TMEM154: variants seen among roughly 807,000 people sequenced by gnomAD.
The protein encoded by TMEM154 is transmembrane protein 154.
TMEM154 carries 27 observed loss-of-function variants against 24.5 expected under a neutral mutation model. The ratio of observed to expected loss-of-function variants is 1.10; its 90% confidence interval spans 0.81 to 1.52. TMEM154 has a LOEUF of 1.52. Among genes scored for constraint, TMEM154 ranks in the 40% most tolerant of loss-of-function variants. The pLI, the probability that TMEM154 is intolerant of heterozygous loss-of-function variation, is 0.00. For missense variants in TMEM154, 228 were observed against 213.4 expected (o/e 1.07, Z -0.43); for synonymous variants, 67 against 76.8 (o/e 0.87, Z 0.67).
chr4:152,676,332 CCA>C lies in TMEM154; in HGVS notation c.64+3536_64+3537del, dbSNP rs202017083. Among the ~76,000 whole-genome samples, 720 of 152,238 alleles carry C rather than the reference CCA, an allele frequency of 4.7e-3. 2 individuals carry two copies. Among genetic ancestry groups the C allele is most frequent in the Admixed American group, 9.1e-3 (139 of 15,292 alleles). On this transcript the variant is annotated intron_variant, in intron 1 of 6. Coordinates refer to ENST00000304385, the MANE Select transcript of TMEM154 (RefSeq NM_152680.3). ...ACCTACAGCTGGAAAGGTTCAACAA[CCA>C]CAGTTTTCTAAACCCAAAACTAAAC...
chr4:152,631,095 A>G (rs1476010522), intron 6 of TMEM154, among the ~76,000 whole-genome samples: 1 of 152,184 alleles, frequency 6.6e-6, no homozygotes, highest in African/African-American at 2.4e-5. Context: ...TTACCTTTGC[A>G]TGTATCTCTA....
chr4:152,640,938 GA>G lies in TMEM154; in HGVS notation c.525del (p.His176ThrfsTer27). On this transcript the variant is annotated frameshift_variant, in exon 6 of 7. Coordinates refer to ENST00000304385, the MANE Select transcript of TMEM154 (RefSeq NM_152680.3). LOFTEE classifies it high-confidence loss of function. Reference protein sequence around the residue: ...LPTLKEEKESNHNPSDSES With the variant: ...LPTLKEEKESXHNPSDSES The stretch of plus-strand genomic sequence containing the variant: ...AGAAATGAGAAGTACCTTGGGTTGT[GA>G]TTTGATTCCTTCTCTTCCTTCAAGG... The G allele has an allele frequency of 1.2e-6, 2 of 1,609,382 alleles. No individual in the cohort carries two copies. The highest frequency in any genetic ancestry group is 1.7e-6 in the Non-Finnish European group (2 of 1,178,074).
intron 3 of TMEM154, among the ~76,000 whole-genome samples, chr4:152,651,470 T>C (rs1021343420): frequency 1.3e-5 from 2 of 152,238 alleles, no homozygotes; most frequent in South Asian, 2.1e-4. Context: ...TGCACTGTTA[T>C]GTTATAGAAA....
chr4:152,653,392 T>C (rs1260801442), intron 1 of TMEM154, among the ~76,000 whole-genome samples: 7 of 129,216 alleles, frequency 5.4e-5, no homozygotes, highest in Admixed American at 1.5e-4. Context: ...GTGTCCTAAT[T>C]TTTTTTTTTT....
chr4:152,671,914 T>C (rs940331797), intron 1 of TMEM154, among the ~76,000 whole-genome samples: 1 of 151,234 alleles, frequency 6.6e-6, no homozygotes, highest in Admixed American at 6.6e-5. Context: ...GGCAGATAGG[T>C]CTGGCTGGAG....
At chr4:152,633,824 A>C (rs977338126) in intron 6 of TMEM154, among the ~76,000 whole-genome samples, 1 of 152,074 alleles carries the variant, frequency 6.6e-6, no homozygotes, top group African/African-American at 2.4e-5. Flanking sequence ...AAATTCAAAA[A>C]TTAGCTGGGC....
At chr4:152,633,659 T>C (rs771017506) in intron 6 of TMEM154, among the ~76,000 whole-genome samples, 7 of 152,050 alleles carry the variant, frequency 4.6e-5, no homozygotes, top group Non-Finnish European at 1.0e-4. Flanking sequence ...TCTAGGAATG[T>C]TAGACAGATA....
At chr4:152,657,078 A>G (rs1293928136) in intron 1 of TMEM154, among the ~76,000 whole-genome samples, 5 of 150,506 alleles carry the variant, frequency 3.3e-5, no homozygotes, top group African/African-American at 1.2e-4. Context: ...AGCAGAAGGA[A>G]GAATCTCAGA....
In TMEM154 at chr4:152,621,334, T is replaced by C. The variant is rs1458845693; in HGVS notation, c.*7212A>G. On this transcript the variant is annotated 3_prime_UTR_variant, in exon 7 of 7. Transcript: ENST00000304385. ...GAAGAGTTAGAAGGAACTTGTGTCC[T>C]AGATGACCAGGGAGCGGCCATATGA... 1 of 152,236 alleles carries C rather than the reference T, an allele frequency of 6.6e-6. No individual in the cohort carries two copies. The highest frequency in any genetic ancestry group is 1.5e-5 in the Non-Finnish European group (1 of 68,038). 9.4% of individuals were successfully genotyped at this position (152,236 alleles called of 1,614,324 possible). A position where few individuals can be genotyped will look rare whatever the true frequency, so the allele number is the denominator to read the frequency against.
chr4:152,673,671 G>A (rs1330589761), intron 1 of TMEM154, among the ~76,000 whole-genome samples: 5 of 152,084 alleles, frequency 3.3e-5, no homozygotes, highest in African/African-American at 4.8e-5. Context: ...CATTTGATAC[G>A]TGTATCAACA....
In TMEM154 at chr4:152,621,619, C is replaced by T. The variant is rs1331416981; in HGVS notation, c.*6927G>A. ...TCCTGCCTGTTGTTTGTCAATAATA[C>T]TGACTGGTCTTTGTGAGCCGAAAGA... On this transcript the variant is annotated 3_prime_UTR_variant, in exon 7 of 7. Coordinates refer to ENST00000304385, the MANE Select transcript of TMEM154 (RefSeq NM_152680.3). 1 of 152,182 alleles carries T rather than the reference C, an allele frequency of 6.6e-6. No homozygotes were observed. The allele number at this position is 152,182 out of a possible 1,614,324, so 9.4% of individuals were successfully genotyped here.
At chr4:152,674,432 A>C (rs1248056014) in intron 1 of TMEM154, among the ~76,000 whole-genome samples, 1 of 152,076 alleles carries the variant, frequency 6.6e-6, no homozygotes, top group Non-Finnish European at 1.5e-5. Context: ...TCTGATTTTC[A>C]ATTTGGATTG....
rs973107954 is a variant in TMEM154, at chr4:152,628,201, G to A, written c.*345C>T. On this transcript the variant is annotated 3_prime_UTR_variant, in exon 7 of 7. Coordinates refer to ENST00000304385, the MANE Select transcript of TMEM154 (RefSeq NM_152680.3). ...CTAAGGAATGAAGCAGAAAGGTGAC[G>A]AACATTTATCATGACCAGAGTGAGT... The A allele has an allele frequency of 2.5e-5, 8 of 315,408 alleles. No individual in the cohort carries two copies. The highest frequency in any genetic ancestry group is 9.4e-4 in the Middle Eastern group (1 of 1,066). The allele number at this position is 315,408 out of a possible 1,614,324, so 19.5% of individuals were successfully genotyped here.
chr4:152,635,532 C>A (rs1302320398), intron 6 of TMEM154, among the ~76,000 whole-genome samples: 2 of 152,114 alleles, frequency 1.3e-5, no homozygotes, highest in Admixed American at 6.5e-5. Context: ...CAATAAATGT[C>A]TTTTGAAAAC....
At chr4:152,640,885 C>T (rs773609041) in intron 6 of TMEM154, 43 bp downstream of exon 6, 2 of 1,228,604 alleles carry the variant, frequency 1.6e-6, no homozygotes, top group Non-Finnish European at 2.4e-6. Context: ...ATCCCCCCGC[C>T]CCCCGCCATA....
chr4:152,643,927 C>T (rs1036107687), intron 4 of TMEM154, among the ~76,000 whole-genome samples: 15 of 151,650 alleles, frequency 9.9e-5, no homozygotes, highest in Admixed American at 2.6e-4. Context: ...TTCCCTCCCT[C>T]CTCTCCCTTC....
At chr4:152,631,221 T>C (rs1360094321) in intron 6 of TMEM154, among the ~76,000 whole-genome samples, 1 of 152,208 alleles carries the variant, frequency 6.6e-6, no homozygotes, top group Non-Finnish European at 1.5e-5. Context: ...CACTACTCTT[T>C]AGGGAACTAT....
In TMEM154 at chr4:152,626,727, G is replaced by A. The variant is rs1751928569; in HGVS notation, c.*1819C>T. The A allele has an allele frequency of 1.3e-5, 2 of 152,158 alleles. No homozygotes were observed. Among genetic ancestry groups the A allele is most frequent in the Non-Finnish European group, 2.9e-5 (2 of 68,028 alleles). 9.4% of individuals were successfully genotyped at this position (152,158 alleles called of 1,614,324 possible). A position where few individuals can be genotyped will look rare whatever the true frequency, so the allele number is the denominator to read the frequency against. On this transcript the variant is annotated 3_prime_UTR_variant, in exon 7 of 7. Coordinates refer to ENST00000304385, the MANE Select transcript of TMEM154 (RefSeq NM_152680.3). ...TTGGATCAAATGTAAAGGCCCAGGT[G>A]TTCAAAGATCTTAGATACCTAAAGA... is the stretch of plus-strand genomic sequence containing the variant.
intron 1 of TMEM154, among the ~76,000 whole-genome samples, chr4:152,672,547 C>T (rs564830128): frequency 2.6e-5 from 4 of 152,222 alleles, no homozygotes; most frequent in South Asian, 2.1e-4. Flanking sequence ...GGAGACAGAG[C>T]GATCTGAAAT....
Sources: allele counts gnomAD v4.1 joint callset (sites outside exome capture counted in the v4.1 genomes callset), GRCh38; gene constraint gnomAD v4.1.1; transcripts MANE v1.5; gene names NCBI Gene and HGNC (gene_info 2026-07-23, HGNC 2026-07-21).